The following TICAM2 variants were observed in gnomAD, a reference collection of about 807,000 sequenced individuals.
TICAM2 encodes TIR domain containing adaptor molecule 2, also known as TIR domain-containing adapter molecule 2.
A neutral mutation model predicts 7.3 loss-of-function variants in TICAM2; 8 were observed. That is an observed-to-expected ratio of 1.10 (90% confidence interval 0.65 to 1.99). The LOEUF is 1.99. TICAM2 is among the 30% of genes most tolerant of loss of function. The pLI, the probability that TICAM2 is intolerant of heterozygous loss-of-function variation, is 0.00. For missense variants in TICAM2, 304 were observed against 278.8 expected (o/e 1.09, Z -0.65); for synonymous variants, 113 against 99.6 (o/e 1.13, Z -0.80).
intron 1 of TICAM2, among the ~76,000 whole-genome samples, chr5:115,585,487 T>C (rs1378430390): frequency 6.6e-6 from 1 of 152,184 alleles, no homozygotes; most frequent in Non-Finnish European, 1.5e-5. Flanking sequence ...AGCAGCATGG[T>C]TTACATTCTG....
rs1435339961 is a variant in TICAM2 at position 115,580,935 on chromosome 5, G to A, written c.322C>T (p.Pro108Ser). 3 of 1,613,524 alleles carry A rather than the reference G, an allele frequency of 1.9e-6. No individual in the cohort carries two copies. In the African/African-American group the frequency reaches 4.0e-5, roughly 22 times the overall value. Residue 108 changes from proline (P) to serine (S), a missense_variant, in exon 2 of 2, where the codon CCC (proline) becomes TCC (serine). By Grantham distance (74) the Pro-to-Ser change is moderately conservative (BLOSUM62 -1). Transcript: ENST00000427199. ...NLLQDDFGIK[P>S]GIIFAEMPCG... is the part of the protein sequence containing the mutation. ...GGCATCTCAGCAAAGATTATTCCGG[G>A]TTTGATACCAAAGTCATCTTGTAGC...
At chr5:115,585,103 C>T (rs1755056257) in intron 1 of TICAM2, among the ~76,000 whole-genome samples, 1 of 152,144 alleles carries the variant, frequency 6.6e-6, no homozygotes, top group African/African-American at 2.4e-5. Context: ...TTTTGTACAA[C>T]TTAATCAATA....
intron 1 of TICAM2, among the ~76,000 whole-genome samples, chr5:115,600,459 G>A (rs1755682889): frequency 6.6e-6 from 1 of 152,112 alleles, no homozygotes. Flanking sequence ...AGAAAAATAT[G>A]GCCAAGAAAT....
At chr5:115,584,883 A>G (rs1272226350) in intron 1 of TICAM2, among the ~76,000 whole-genome samples, 1 of 152,212 alleles carries the variant, frequency 6.6e-6, no homozygotes, top group Non-Finnish European at 1.5e-5. Context: ...CCCCAGTAGA[A>G]TTCTCTATAT....
intron 1 of TICAM2, among the ~76,000 whole-genome samples, chr5:115,601,620 T>C (rs1185100090): frequency 6.6e-6 from 1 of 152,240 alleles, no homozygotes; most frequent in Non-Finnish European, 1.5e-5. Context: ...AGAAGTTTAC[T>C]ACCGTGGAAA....
intron 1 of TICAM2, among the ~76,000 whole-genome samples, chr5:115,591,474 A>G (rs1384770917): frequency 1.3e-5 from 2 of 152,252 alleles, no homozygotes; most frequent in Non-Finnish European, 1.5e-5. Context: ...CGCAGCTGAC[A>G]ATAGAAATAA....
intron 1 of TICAM2, among the ~76,000 whole-genome samples, chr5:115,595,160 A>T (rs1209000717): frequency 2.6e-5 from 4 of 152,174 alleles, no homozygotes; most frequent in Non-Finnish European, 5.9e-5. Context: ...CATAATAGGT[A>T]CTCAATAAGC....
Position 115,579,791 on chromosome 5 carries a change from C to G in TICAM2, c.*758G>C, listed in dbSNP as rs1754851027. On this transcript the variant is annotated 3_prime_UTR_variant, in exon 2 of 2. Transcript: ENST00000427199. Reference sequence around the variant, plus strand: ...AAAAGTGAATATCTGGCCACTCACACAGTTATACGCCTTTTAGAAGCTCTG... The same window carrying G: ...AAAAGTGAATATCTGGCCACTCACAGAGTTATACGCCTTTTAGAAGCTCTG... 6.6e-6 allele frequency: 1 copy of G among 152,146 alleles called. No individual in the cohort carries two copies. The highest frequency in any genetic ancestry group is 2.4e-5 in the African/African-American group (1 of 41,440). 9.4% of individuals were successfully genotyped at this position (152,146 alleles called of 1,614,324 possible).
At chr5:115,592,915 G>C (rs1365251762) in intron 1 of TICAM2, among the ~76,000 whole-genome samples, 1 of 152,180 alleles carries the variant, frequency 6.6e-6, no homozygotes, top group Non-Finnish European at 1.5e-5. Flanking sequence ...GGCCAAGGTG[G>C]GTGGCTCATT....
intron 1 of TICAM2, among the ~76,000 whole-genome samples, chr5:115,585,405 T>A (rs748372474): frequency 8.3e-4 from 127 of 152,318 alleles, no homozygotes; most frequent in Non-Finnish European, 1.7e-3. Flanking sequence ...AGGATGTAAA[T>A]CAACTACATC....
chr5:115,581,047 T>G lies in TICAM2; in HGVS notation c.210A>C (p.Glu70Asp). ...EGAQSVEEMFEEEAEEEVFLK... is the reference protein window; with the variant it reads ...EGAQSVEEMFDEEAEEEVFLK... ...GGAACACCTCTTCTTCAGCTTCTTC[T>G]TCAAACATCTCTTCCACGCTCTGAG... The change falls in exon 2 of 2, where the codon GAA becomes GAC. Residue 70 changes from glutamate to aspartate, a missense_variant. Physicochemically the swap from Glu to Asp is conservative, Grantham distance 45 (BLOSUM62 2). Coordinates refer to ENST00000427199, the MANE Select transcript of TICAM2 (RefSeq NM_021649.7). 1 of 1,614,202 alleles carries G rather than the reference T, an allele frequency of 6.2e-7. No individual in the cohort carries two copies. The highest frequency in any genetic ancestry group is 1.6e-4 in the Middle Eastern group (1 of 6,062).
intron 1 of TICAM2, among the ~76,000 whole-genome samples, chr5:115,598,190 T>C (rs1755584958): frequency 6.6e-6 from 1 of 152,232 alleles, no homozygotes; most frequent in South Asian, 2.1e-4. Context: ...ATTATGTTGA[T>C]TTGATTTCCA....
rs1755321054 is a variant in TICAM2 at position 115,591,963 on chromosome 5, A to C, written c.-60+10134T>G. Among the ~76,000 whole-genome samples the C allele has an allele frequency of 2.6e-5, 4 of 152,184 alleles. 1 individual carries two copies. The South Asian group carries it at 8.3e-4, about 31-fold the overall frequency. On this transcript the variant is annotated intron_variant, in intron 1 of 1. Transcript: ENST00000427199. The stretch of plus-strand genomic sequence containing the variant: ...TGAACTTCAAGGAAAATAAATAAAA[A>C]GAAAACCACATCTAGCTTCAACACA...
At chr5:115,592,057 A>G (rs936977119) in intron 1 of TICAM2, among the ~76,000 whole-genome samples, 1 of 152,108 alleles carries the variant, frequency 6.6e-6, no homozygotes, top group African/African-American at 2.4e-5. Context: ...AGATTACCTT[A>G]AAAGATGCAA....
At chr5:115,593,964 G>A (rs1755409413) in intron 1 of TICAM2, among the ~76,000 whole-genome samples, 1 of 151,970 alleles carries the variant, frequency 6.6e-6, no homozygotes, top group South Asian at 2.1e-4. Flanking sequence ...TGATTACATG[G>A]TTGATTGTTT....
chr5:115,595,721 T>C (rs1001005293), intron 1 of TICAM2, among the ~76,000 whole-genome samples: 2 of 152,204 alleles, frequency 1.3e-5, no homozygotes, highest in African/African-American at 4.8e-5. Context: ...GCTCCTACCA[T>C]GTTACTCTTG....
chr5:115,596,265 C>T (rs909496941), intron 1 of TICAM2, among the ~76,000 whole-genome samples: 3 of 152,216 alleles, frequency 2.0e-5, no homozygotes, highest in Non-Finnish European at 4.4e-5. Flanking sequence ...TACTCTCAAT[C>T]AGTCTAATCC....
chr5:115,583,644 A>G (rs1755007224), intron 1 of TICAM2, among the ~76,000 whole-genome samples: 1 of 152,204 alleles, frequency 6.6e-6, no homozygotes, highest in Admixed American at 6.5e-5. Flanking sequence ...TGCTGTTCCC[A>G]CCACCACTGT....
At chr5:115,598,442 T>G (rs1033326290) in intron 1 of TICAM2, among the ~76,000 whole-genome samples, 13 of 152,228 alleles carry the variant, frequency 8.5e-5, no homozygotes, top group African/African-American at 3.1e-4. Flanking sequence ...TCATCGTACC[T>G]AAAACAGGTC....
Sources: allele counts gnomAD v4.1 joint callset (sites outside exome capture counted in the v4.1 genomes callset), GRCh38; gene constraint gnomAD v4.1.1; transcripts MANE v1.5; gene names NCBI Gene and HGNC (gene_info 2026-07-23, HGNC 2026-07-21).